Variants in MEGF8 observed in about 807,000 individuals in gnomAD.
MEGF8 encodes the protein multiple epidermal growth factor-like domains protein 8.
In MEGF8, 156 loss-of-function variants were observed where a neutral mutation model predicts 302.9. That is an observed-to-expected ratio of 0.52 (90% CI 0.45 to 0.59). The LOEUF is 0.59. MEGF8 is among the 20% of genes least tolerant of loss of function. The pLI is 0.00. For missense variants in MEGF8, 3,345 were observed against 3,964.5 expected, an observed-to-expected ratio of 0.84 and a Z score of 4.20; for synonymous variants, 1,621 against 1,660.5, an observed-to-expected ratio of 0.98 and a Z score of 0.58.
intron 31 of MEGF8, 142 bp from the exon 32 acceptor site, chr19:42,360,633 C>G: frequency 6.9e-7 from 1 of 1,459,842 alleles, no homozygotes; most frequent in Non-Finnish European, 9.0e-7. Flanking sequence ...GTGTGAGCCA[C>G]CGCCCTTGGC....
Position 42,356,954 on chromosome 19 carries a change from C to T in MEGF8, c.4803C>T (p.Leu1601=). The T allele has an allele frequency of 6.2e-7, 1 of 1,608,700 alleles. No individual in the cohort carries two copies. Among genetic ancestry groups the T allele is most frequent in the African/African-American group, 1.3e-5 (1 of 74,992 alleles). ...GVTRDFWVLN[L]TTLQWRQEKA... ...CCCGTGATTTCTGGGTCCTCAACCT[C>T]ACCACCCTGCAATGGCGGCAGGAGA... The change falls in exon 27 of 42, where the codon CTC becomes CTT. Residue 1601 remains leucine, a synonymous_variant. Transcript: ENST00000251268. The surrounding 1 kb of genome is among the most constrained non-coding windows in gnomAD (Gnocchi z 5.2).
At chr19:42,326,531 C>T in intron 1 of MEGF8, 101 bp downstream of exon 1, 1 of 1,433,442 alleles carries the variant, frequency 7.0e-7, no homozygotes, top group Non-Finnish European at 9.1e-7. Context: ...CTGGTCCAGG[C>T]CTTTTGCTCT....
At chr19:42,335,870 T>G (rs1460684680) in intron 5 of MEGF8, 61 bp from the exon 6 acceptor site, 23 of 1,412,766 alleles carry the variant, frequency 1.6e-5, no homozygotes, top group Non-Finnish European at 2.1e-5. Context: ...TCTCTCTGTC[T>G]AAGCCTGGCT....
chr19:42,367,290 CTTTT>C (rs535905629), intron 35 of MEGF8, among the ~76,000 whole-genome samples: 2 of 140,156 alleles, frequency 1.4e-5, no homozygotes, highest in Non-Finnish European at 1.6e-5. Flanking sequence ...TTCTTTCTTT[CTTTT>C]TTTTTTTTTT....
chr19:42,358,244 G>A lies in MEGF8; in HGVS notation c.5112G>A (p.Glu1704=), dbSNP rs377577186. Residue 1704 remains glutamate, a synonymous_variant, in exon 29 of 42, where the codon GAG becomes GAA. Transcript: ENST00000251268. The surrounding 1 kb of genome is among the most constrained non-coding windows in gnomAD (Gnocchi z 4.4). ...TGGAGCTGGCGGCCCCATCCCCCGA[G>A]CTCTACTCCCTGCACTGTCCTGACC... ...FHVELAAPSP[E]LYSLHCPDRT... is the part of the protein sequence containing the mutation. The A allele has an allele frequency of 2.7e-5, 44 of 1,605,214 alleles. No homozygotes were observed. Among genetic ancestry groups the A allele is most frequent in the Non-Finnish European group, 3.7e-5 (43 of 1,176,374 alleles).
At chr19:42,373,482 C>T (rs1235297787) in intron 41 of MEGF8, among the ~76,000 whole-genome samples, 3 of 151,920 alleles carry the variant, frequency 2.0e-5, no homozygotes, top group Non-Finnish European at 4.4e-5. Flanking sequence ...CTCATTGCAA[C>T]CTCTGCCTCC....
rs998329706 is a variant in MEGF8, at chr19:42,336,669, G to C, written c.1245-138G>C. The C allele has an allele frequency of 1.7e-4, 226 of 1,305,686 alleles. No homozygotes were observed. The highest frequency in any genetic ancestry group is 2.2e-4 in the Non-Finnish European group (217 of 966,108). The allele number at this position is 1,305,686 out of a possible 1,614,324, so 80.9% of individuals were successfully genotyped here. On this transcript the variant is annotated intron_variant, in intron 6 of 41. Transcript: ENST00000251268. The surrounding 1 kb of genome is among the most constrained non-coding windows in gnomAD (Gnocchi z 4.8). ...AGATGACTCAGGGTCCTGCCCACAG[G>C]GAACTTCTAGTTTGGAGGGGACATA...
rs754704245 is a variant in MEGF8 at position 42,336,996 on chromosome 19, T to C, written c.1390+44T>C. On this transcript the variant is annotated intron_variant, in intron 7 of 41. Transcript: ENST00000251268. The surrounding 1 kb of genome is among the most constrained non-coding windows in gnomAD (Gnocchi z 4.8). ...CCTGCCTGCCTGCCTGCTGAGGGCCTGAGCCAACCCTGAGCTGAGGCTCCC... is the reference window on the plus strand; with the variant it reads ...CCTGCCTGCCTGCCTGCTGAGGGCCCGAGCCAACCCTGAGCTGAGGCTCCC... 6.2e-7 allele frequency: 1 copy of C among 1,613,470 alleles called. No homozygotes were observed. The highest frequency in any genetic ancestry group is 8.5e-7 in the Non-Finnish European group (1 of 1,179,646).
At chr19:42,327,237 G>T (rs1363294455) in intron 1 of MEGF8, among the ~76,000 whole-genome samples, 3 of 152,214 alleles carry the variant, frequency 2.0e-5, no homozygotes, top group African/African-American at 7.2e-5. Flanking sequence ...TTTTTCTTCA[G>T]TCATTCATGT....
chr19:42,353,137 C>T lies in MEGF8; in HGVS notation c.3550+10C>T. ...TGCGACGAGTGCCAGGGTAAGCAGC[C>T]CTTGTCCTGGGCCCAGCCTGGACCC... is the stretch of plus-strand genomic sequence containing the variant. On this transcript the variant is annotated intron_variant, in intron 20 of 41. Transcript: ENST00000251268. This position sits in a 1 kb window ranked among gnomAD's most constrained non-coding sequence, Gnocchi z 6.1. 4 of 1,537,534 alleles carry T rather than the reference C, an allele frequency of 2.6e-6. No individual in the cohort carries two copies. Among genetic ancestry groups the T allele is most frequent in the Non-Finnish European group, 2.6e-6 (3 of 1,142,090 alleles).
rs962642413 is a variant in MEGF8 at position 42,348,412 on chromosome 19, G to A, written c.2238G>A (p.Thr746=). The A allele has an allele frequency of 1.8e-5, 27 of 1,536,306 alleles. No homozygotes were observed. The Admixed American group carries it at 2.0e-4, about 11-fold the overall frequency. Residue 746 remains threonine, a synonymous_variant, in exon 13 of 42, where the codon ACG becomes ACA. Transcript: ENST00000251268. ...GGGCTGAGGACGTGGCCGTGTGGAC[G>A]CGGGCCCAGCGCCTACACGTCCTGG... ...GPGAEDVAVW[T]RAQRLHVLAR... is the part of the protein sequence containing the mutation.
Position 42,370,784 on chromosome 19 carries a change from C to A in MEGF8, c.7089C>A (p.Cys2363Ter). ...NCQNNSYGEK[C>*]ESCLQGYFLL... ...AGAATAACAGCTATGGGGAGAAATG[C>A]GAGAGCTGCCTGCAGGGCTACTTCC... is the stretch of plus-strand genomic sequence containing the variant. Residue 2363 changes from cysteine (C) to a stop codon, truncating the protein, a stop_gained, in exon 40 of 42, where the codon TGC becomes TGA. Coordinates refer to ENST00000251268, the MANE Select transcript of MEGF8 (RefSeq NM_001271938.2). LOFTEE classifies it high-confidence loss of function. The A allele has an allele frequency of 6.6e-7, 1 of 1,512,938 alleles. No homozygotes were observed. Among genetic ancestry groups the A allele is most frequent in the Non-Finnish European group, 8.9e-7 (1 of 1,117,506 alleles). The allele number at this position is 1,512,938 out of a possible 1,614,324, so 93.7% of individuals were successfully genotyped here.
chr19:42,351,184 G>A lies in MEGF8; in HGVS notation c.2737-32G>A. On this transcript the variant is annotated intron_variant, in intron 15 of 41. Coordinates refer to ENST00000251268, the MANE Select transcript of MEGF8 (RefSeq NM_001271938.2). This position sits in a 1 kb window ranked among gnomAD's most constrained non-coding sequence, Gnocchi z 5.6. ...GAGTCCAAAGGAAAGGGCTGAGTGG[G>A]GTTCTGACTCCTCTGCCCAACTGAC... is the stretch of plus-strand genomic sequence containing the variant. 3 of 1,534,894 alleles carry A rather than the reference G, an allele frequency of 2.0e-6. No individual in the cohort carries two copies. The highest frequency in any genetic ancestry group is 2.6e-6 in the Non-Finnish European group (3 of 1,133,518).
chr19:42,334,103 G>A lies in MEGF8; in HGVS notation c.448G>A (p.Gly150Arg), dbSNP rs1201108107. The change falls in exon 3 of 42, where the codon GGG (glycine) becomes AGG (arginine). Residue 150 changes from glycine to arginine, a missense_variant. Transcript: ENST00000251268. Reference sequence around the variant, plus strand: ...GTGCCCGGGTGGCTGCCAGAGCCACGGGCAGTGCCAGCCACCGGGTGTGTG... The same window carrying A: ...GTGCCCGGGTGGCTGCCAGAGCCACAGGCAGTGCCAGCCACCGGGTGTGTG... ...SLCPGGCQSHGQCQPPGVCAC... is the reference protein window; with the variant it reads ...SLCPGGCQSHRQCQPPGVCAC... 39 of 1,613,022 alleles carry A rather than the reference G, an allele frequency of 2.4e-5. No homozygotes were observed. The East Asian group carries it at 4.7e-4, about 19-fold the overall frequency.
intron 1 of MEGF8, among the ~76,000 whole-genome samples, chr19:42,329,014 A>G (rs749194066): frequency 4.6e-5 from 7 of 152,184 alleles, no homozygotes; most frequent in Admixed American, 2.0e-4. Context: ...TGCAGATAAC[A>G]GAGCAGGAGC....
chr19:42,363,318 C>A, intron 35 of MEGF8, 56 bp downstream of exon 35: 1 of 1,441,980 alleles, frequency 6.9e-7, no homozygotes, highest in Non-Finnish European at 9.5e-7. Context: ...TCTCCCTCCT[C>A]TCTGCGCTGG....
At position 42,333,929 on chromosome 19, in the gene MEGF8, AG is replaced by A. The variant is rs1005990404; in HGVS notation, c.352-73del. 3.9e-6 allele frequency: 6 copies of A among 1,522,544 alleles called. No individual in the cohort carries two copies. In the African/African-American group the frequency reaches 5.5e-5, roughly 14 times the overall value. The allele number at this position is 1,522,544 out of a possible 1,614,324, so 94.3% of individuals were successfully genotyped here. ...GAGGCTCTGGGTCCCCCAGGGTGGA[AG>A]GGGGCAGGAGTGGGCCACCCTCCCA... is the stretch of plus-strand genomic sequence containing the variant. On this transcript the variant is annotated intron_variant, in intron 2 of 41. Coordinates refer to ENST00000251268, the MANE Select transcript of MEGF8 (RefSeq NM_001271938.2).
chr19:42,337,046 C>G, intron 7 of MEGF8, 38 bp from the exon 8 acceptor site: 1 of 1,613,116 alleles, frequency 6.2e-7, no homozygotes, highest in Non-Finnish European at 8.5e-7. Flanking sequence ...CCCACCTCCC[C>G]TAGGCTTGCC....
chr19:42,333,486 C>T (rs1270915039), intron 1 of MEGF8, 119 bp from the exon 2 acceptor site: 42 of 1,159,428 alleles, frequency 3.6e-5, no homozygotes, highest in Non-Finnish European at 5.0e-5. Context: ...AGGTCTGACT[C>T]ATTCTTGAGC....
Sources: allele counts gnomAD v4.1 joint callset (sites outside exome capture counted in the v4.1 genomes callset), GRCh38; gene constraint gnomAD v4.1.1; non-coding constraint Gnocchi (gnomAD v3.1); transcripts MANE v1.5; gene names NCBI Gene and HGNC (gene_info 2026-07-23, HGNC 2026-07-21).